Variants in ADAM22 observed in about 807,000 individuals in gnomAD.
The protein encoded by ADAM22 is disintegrin and metalloproteinase domain-containing protein 22.
ADAM22 carries 65 observed loss-of-function variants against 144.6 expected under a neutral mutation model. The observed-to-expected ratio is 0.45, with a 90% CI of 0.37 to 0.55. The LOEUF (loss-of-function observed/expected upper bound fraction) is 0.55. Among genes scored for constraint, ADAM22 ranks in the 20% least tolerant of loss-of-function variants. The pLI is 0.00. For synonymous variants in ADAM22, 391 were observed against 412.6 expected, an observed-to-expected ratio of 0.95 and a Z score of 0.63; for missense variants, 974 against 1,184.9, an observed-to-expected ratio of 0.82 and a Z score of 2.61.
At chr7:88,031,979 T>C (rs1360050200) in intron 3 of ADAM22, among the ~76,000 whole-genome samples, 1 of 152,230 alleles carries the variant, frequency 6.6e-6, no homozygotes, top group African/African-American at 2.4e-5. Flanking sequence ...TGGGTGCCTC[T>C]GCCTAGATTT....
intron 3 of ADAM22, among the ~76,000 whole-genome samples, chr7:87,983,294 C>G (rs896930898): frequency 1.3e-5 from 2 of 152,028 alleles, no homozygotes; most frequent in Non-Finnish European, 2.9e-5. Flanking sequence ...TCTTCCCATC[C>G]AACATCACAG....
intron 4 of ADAM22, among the ~76,000 whole-genome samples, chr7:88,104,514 A>T (rs1823839800): frequency 1.3e-5 from 2 of 151,474 alleles, no homozygotes; most frequent in Admixed American, 1.3e-4. Context: ...TAACACATAA[A>T]ATAATTATTT....
At chr7:88,162,262 T>G (rs1270610745) in intron 22 of ADAM22, among the ~76,000 whole-genome samples, 1 of 151,962 alleles carries the variant, frequency 6.6e-6, no homozygotes, top group East Asian at 1.9e-4. Context: ...ATGTTCTCAC[T>G]TATAAGTGGG....
chr7:88,063,808 T>A (rs1380758640), intron 3 of ADAM22, among the ~76,000 whole-genome samples: 2 of 152,224 alleles, frequency 1.3e-5, no homozygotes, highest in African/African-American at 2.4e-5. Flanking sequence ...AATGGAGCAA[T>A]GCTGTGTAAG....
At chr7:88,038,504 G>C (rs1802080707) in intron 3 of ADAM22, among the ~76,000 whole-genome samples, 1 of 150,578 alleles carries the variant, frequency 6.6e-6, no homozygotes, top group Non-Finnish European at 1.5e-5. Flanking sequence ...GCCCAGGCTG[G>C]AGTGCAGTGG....
chr7:88,078,907 AG>A (rs1815566351), intron 4 of ADAM22, among the ~76,000 whole-genome samples: 2 of 152,242 alleles, frequency 1.3e-5, no homozygotes, highest in South Asian at 4.1e-4. Flanking sequence ...AATGGAACCA[AG>A]TTGCAAAACA....
At chr7:88,079,963 C>A (rs968485603) in intron 4 of ADAM22, among the ~76,000 whole-genome samples, 1 of 152,116 alleles carries the variant, frequency 6.6e-6, no homozygotes, top group Non-Finnish European at 1.5e-5. Flanking sequence ...AGAAGGATAT[C>A]CAGGAATTGA....
intron 3 of ADAM22, among the ~76,000 whole-genome samples, chr7:87,991,329 G>C (rs1376414820): frequency 3.4e-5 from 5 of 148,000 alleles, no homozygotes; most frequent in African/African-American, 1.2e-4. Context: ...AAATGCCAAA[G>C]ACTGACAGCT....
intron 4 of ADAM22, among the ~76,000 whole-genome samples, chr7:88,085,948 A>G (rs1042241267): frequency 3.9e-5 from 6 of 152,138 alleles, no homozygotes; most frequent in African/African-American, 1.4e-4. Flanking sequence ...AGGCCGAAGC[A>G]GGGGGATCAC....
chr7:87,978,422 G>C lies in ADAM22; in HGVS notation c.323+10G>C, dbSNP rs185169140. 2.5e-6 allele frequency: 4 copies of C among 1,610,700 alleles called. No homozygotes were observed. Among genetic ancestry groups the C allele is most frequent in the Non-Finnish European group, 3.4e-6 (4 of 1,178,200 alleles). On this transcript the variant is annotated intron_variant, in intron 3 of 31. Coordinates refer to ENST00000413139, the MANE Select transcript of ADAM22 (RefSeq NM_001324418.2). ...ATGTCGTGCTAAATCAGTAAGTGTT[G>C]AGTTGCACTTGCTTTTGTCAGATAC...
chr7:88,038,797 T>G (rs1802196689), intron 3 of ADAM22, among the ~76,000 whole-genome samples: 1 of 151,828 alleles, frequency 6.6e-6, no homozygotes, highest in South Asian at 2.1e-4. Flanking sequence ...TTTTTTTTTT[T>G]TTAGACAGAG....
chr7:88,049,359 C>CT (rs1377713096), intron 3 of ADAM22, among the ~76,000 whole-genome samples: 6 of 151,492 alleles, frequency 4.0e-5, no homozygotes, highest in East Asian at 3.9e-4. Context: ...TACACTGTTT[C>CT]TTTTTTTTTC....
intron 3 of ADAM22, among the ~76,000 whole-genome samples, chr7:87,996,774 A>G (rs564763244): frequency 3.3e-4 from 51 of 152,376 alleles, no homozygotes; most frequent in African/African-American, 1.2e-3. Context: ...TTCGCAGCAT[A>G]GTCTTTGTAG....
At chr7:88,053,301 G>A (rs975093275) in intron 3 of ADAM22, among the ~76,000 whole-genome samples, 2 of 150,660 alleles carry the variant, frequency 1.3e-5, no homozygotes, top group Non-Finnish European at 3.0e-5. Context: ...CACCCTCTCC[G>A]CTAAAAAAAA....
chr7:87,972,635 A>G (rs1278788813), intron 2 of ADAM22, among the ~76,000 whole-genome samples: 3 of 152,176 alleles, frequency 2.0e-5, no homozygotes, highest in Non-Finnish European at 4.4e-5. Context: ...AGTCAATCCT[A>G]AGCCAAAAGA....
chr7:87,952,689 A>G (rs955357726), intron 2 of ADAM22, among the ~76,000 whole-genome samples: 9 of 151,750 alleles, frequency 5.9e-5, no homozygotes, highest in South Asian at 2.1e-4. Flanking sequence ...CTCTTTTTCT[A>G]TTGATTGGAA....
chr7:87,934,658 A>T, intron 1 of ADAM22, 108 bp downstream of exon 1: 101 of 733,224 alleles, frequency 1.4e-4, no homozygotes, highest in Non-Finnish European at 1.8e-4. Flanking sequence ...GTGCGCGGGG[A>T]GATTTTTTTT....
chr7:88,031,737 A>G (rs1458400731), intron 3 of ADAM22, among the ~76,000 whole-genome samples: 1 of 152,214 alleles, frequency 6.6e-6, no homozygotes, highest in Non-Finnish European at 1.5e-5. Context: ...CTCCCATCAC[A>G]GGCCTGGAGG....
At chr7:88,182,114 A>C in intron 29 of ADAM22, 90 bp downstream of exon 29, 1 of 1,149,946 alleles carries the variant, frequency 8.7e-7, no homozygotes. Context: ...AAAGAACTGT[A>C]AACCATGTCT....
Sources: allele counts gnomAD v4.1 joint callset (sites outside exome capture counted in the v4.1 genomes callset), GRCh38; gene constraint gnomAD v4.1.1; transcripts MANE v1.5; gene names NCBI Gene and HGNC (gene_info 2026-07-23, HGNC 2026-07-21).